The following COL21A1 variants were observed in gnomAD, a reference collection of about 807,000 sequenced individuals.
The protein encoded by COL21A1 is collagen type XXI alpha 1 chain, also known as collagen alpha-1(XXI) chain.
In COL21A1, 149 loss-of-function variants were observed where a neutral mutation model predicts 137.9. The observed-to-expected ratio is 1.08, with a 90% confidence interval of 0.95 to 1.24. COL21A1 has a LOEUF of 1.24. Ranked by LOEUF, COL21A1 falls within the 50% of genes most tolerant of loss-of-function variation. The pLI is 0.00. For synonymous variants in COL21A1, 456 were observed against 391.5 expected (o/e 1.16, Z -1.95); for missense variants, 1,167 against 1,158.4 (o/e 1.01, Z -0.11).
At chr6:56,185,451 C>T (rs1357695293) in intron 1 of COL21A1, among the ~76,000 whole-genome samples, 3 of 19,098 alleles carry the variant, frequency 1.6e-4, no homozygotes, top group Non-Finnish European at 2.0e-4. Flanking sequence ...TTTTTTGAGA[C>T]GGAGTCTCGC....
At chr6:56,099,350 C>T (rs1366574548) in intron 17 of COL21A1, among the ~76,000 whole-genome samples, 2 of 151,098 alleles carry the variant, frequency 1.3e-5, no homozygotes, top group African/African-American at 4.9e-5. Context: ...TCTCCGGCCT[C>T]AGCCCCTCTC....
At chr6:56,117,148 T>C (rs552479843) in intron 16 of COL21A1, among the ~76,000 whole-genome samples, 1 of 151,832 alleles carries the variant, frequency 6.6e-6, no homozygotes, top group African/African-American at 2.4e-5. Context: ...TCAAAACACA[T>C]AGACTGGCTG....
intron 1 of COL21A1, among the ~76,000 whole-genome samples, chr6:56,341,740 T>G (rs1765473059): frequency 6.6e-6 from 1 of 152,134 alleles, no homozygotes; most frequent in Non-Finnish European, 1.5e-5. Flanking sequence ...TAATGATGTG[T>G]CAGTGTAGGT....
In COL21A1 at chr6:56,057,621, G is replaced by T; in HGVS notation, c.*36C>A. The stretch of plus-strand genomic sequence containing the variant: ...TGAGATGCAAAAGACCACAGAAAAA[G>T]CACCATGCCTAGGCTGCTGAATGAG... On this transcript the variant is annotated 3_prime_UTR_variant, in exon 30 of 30. Transcript: ENST00000244728. 6.3e-7 allele frequency: 1 copy of T among 1,599,630 alleles called. No homozygotes were observed. The highest frequency in any genetic ancestry group is 8.6e-7 in the Non-Finnish European group (1 of 1,169,366).
intron 1 of COL21A1, among the ~76,000 whole-genome samples, chr6:56,267,589 C>T (rs1763420314): frequency 6.6e-6 from 1 of 151,580 alleles, no homozygotes; most frequent in African/African-American, 2.4e-5. Flanking sequence ...GAAAACCCAT[C>T]TCTACTAAAA....
chr6:56,112,019 A>T (rs1561875646), intron 16 of COL21A1, among the ~76,000 whole-genome samples: 1 of 152,130 alleles, frequency 6.6e-6, no homozygotes, highest in Non-Finnish European at 1.5e-5. Flanking sequence ...TAGAGGATTT[A>T]CACCACACAA....
At chr6:56,302,267 T>G (rs1420069765) in intron 1 of COL21A1, among the ~76,000 whole-genome samples, 4 of 152,074 alleles carry the variant, frequency 2.6e-5, no homozygotes, top group Admixed American at 1.3e-4. Flanking sequence ...CTGGGTCAAA[T>G]GGTATTTCTA....
At chr6:56,126,203 T>C in intron 12 of COL21A1, 54 bp from the exon 13 acceptor site, 1 of 1,116,756 alleles carries the variant, frequency 9.0e-7, no homozygotes, top group Non-Finnish European at 1.3e-6. Flanking sequence ...GCCTAAACAA[T>C]ATCATCATCT....
chr6:56,171,420 A>T (rs1288864767), intron 3 of COL21A1, among the ~76,000 whole-genome samples: 1 of 151,964 alleles, frequency 6.6e-6, no homozygotes, highest in East Asian at 1.9e-4. Context: ...TTAGCAAAAA[A>T]TTGAGACAAT....
chr6:56,372,617 A>T (rs1317650024), intron 1 of COL21A1, among the ~76,000 whole-genome samples: 5 of 152,250 alleles, frequency 3.3e-5, no homozygotes, highest in South Asian at 2.1e-4. Flanking sequence ...AACTAAAGCC[A>T]AAAAGGGAAT....
At chr6:56,203,849 T>C (rs913811518) in intron 1 of COL21A1, among the ~76,000 whole-genome samples, 1 of 152,038 alleles carries the variant, frequency 6.6e-6, no homozygotes, top group African/African-American at 2.4e-5. Context: ...TCACCTCAGC[T>C]GGGAAGTGCA....
rs1765818774 is a variant in COL21A1 at position 56,061,760 on chromosome 6, C to T, written c.2173-79G>A. 3 of 900,206 alleles carry T rather than the reference C, an allele frequency of 3.3e-6. No homozygotes were observed. The Admixed American group carries it at 8.0e-5, about 24-fold the overall frequency. The allele number at this position is 900,206 out of a possible 1,614,324, so 55.8% of individuals were successfully genotyped here. On this transcript the variant is annotated intron_variant, in intron 24 of 29. Coordinates refer to ENST00000244728, the MANE Select transcript of COL21A1 (RefSeq NM_030820.4). Reference sequence around the variant, plus strand: ...TGTGGCATCCACCTTTTACCACATACTTAATTAAATTTAAAATTTCAATTT... The same window carrying T: ...TGTGGCATCCACCTTTTACCACATATTTAATTAAATTTAAAATTTCAATTT...
chr6:56,059,327 G>A, intron 28 of COL21A1, 85 bp from the exon 29 acceptor site: 3 of 825,686 alleles, frequency 3.6e-6, no homozygotes, highest in Non-Finnish European at 5.4e-6. Flanking sequence ...ATATACACAT[G>A]AAAGAAAAAT....
chr6:56,211,781 C>A (rs1199266814), intron 1 of COL21A1, among the ~76,000 whole-genome samples: 1 of 152,052 alleles, frequency 6.6e-6, no homozygotes, highest in African/African-American at 2.4e-5. Context: ...ATTGCCCCTT[C>A]TCCCAGTCCC....
intron 1 of COL21A1, among the ~76,000 whole-genome samples, chr6:56,279,636 G>A (rs905113144): frequency 1.3e-5 from 2 of 152,200 alleles, no homozygotes; most frequent in Non-Finnish European, 2.9e-5. Flanking sequence ...AATCTCAGGT[G>A]CAAAATAAAA....
At chr6:56,377,818 T>G (rs1283258547) in intron 1 of COL21A1, among the ~76,000 whole-genome samples, 1 of 152,106 alleles carries the variant, frequency 6.6e-6, no homozygotes, top group Non-Finnish European at 1.5e-5. Flanking sequence ...GATATGTTCC[T>G]TCCACTGAAG....
At chr6:56,073,682 A>G (rs1382258026) in intron 20 of COL21A1, among the ~76,000 whole-genome samples, 2 of 151,470 alleles carry the variant, frequency 1.3e-5, no homozygotes, top group African/African-American at 4.8e-5. Flanking sequence ...TCAAATAATG[A>G]CATTCAAAGA....
At position 56,103,147 on chromosome 6, in the gene COL21A1, C is replaced by CT. The variant is rs1770600313; in HGVS notation, c.1759-1623dup. On this transcript the variant is annotated intron_variant, in intron 16 of 29. Coordinates refer to ENST00000244728, the MANE Select transcript of COL21A1 (RefSeq NM_030820.4). Reference sequence around the variant, plus strand: ...TGGTCCTCAGACCAGGCAAGATCAACTTCTTCATTTAACATGGGAACTTCT... The same window carrying CT: ...TGGTCCTCAGACCAGGCAAGATCAACTTTCTTCATTTAACATGGGAACTTCT... Among the ~76,000 whole-genome samples the CT allele has an allele frequency of 5.3e-5, 8 of 152,170 alleles. No homozygotes were observed. In the South Asian group the frequency reaches 1.7e-3, roughly 32 times the overall value.
Position 56,179,671 on chromosome 6 carries a change from C to T in COL21A1, c.547G>A (p.Ala183Thr). ...ACATAAGTAGACGAAGGCTTGTTGG[C>T]AATAGCTCTAAGTTCGGCATCTTCT... ...ETEDAELRAI[A>T]NKPSSTYVFY... is the part of the protein sequence containing the mutation. Residue 183 changes from alanine to threonine, a missense_variant, in exon 3 of 30, where the codon GCC becomes ACC. Coordinates refer to ENST00000244728, the MANE Select transcript of COL21A1 (RefSeq NM_030820.4). 2.5e-6 allele frequency: 4 copies of T among 1,613,850 alleles called. No homozygotes were observed. The highest frequency in any genetic ancestry group is 3.4e-6 in the Non-Finnish European group (4 of 1,179,804).
Sources: gnomAD v4.1 joint callset for allele counts (sites outside exome capture counted in the v4.1 genomes callset) on GRCh38, gnomAD v4.1.1 for gene constraint, MANE v1.5 for transcripts, NCBI Gene and HGNC (gene_info 2026-07-23, HGNC 2026-07-21) for gene names.